The following SLC9A2 variants were observed in gnomAD, a reference collection of about 807,000 sequenced individuals.
SLC9A2 encodes the protein solute carrier family 9 member A2, also known as sodium/hydrogen exchanger 2.
Under a neutral mutation model 71.7 loss-of-function variants are expected in SLC9A2, and 42 were observed. The ratio of observed to expected loss-of-function variants is 0.59; its 90% CI spans 0.46 to 0.76. The LOEUF (loss-of-function observed/expected upper bound fraction) is 0.76. Ranked by LOEUF, SLC9A2 falls within the 30% of genes least tolerant of loss-of-function variation. The pLI, the probability that SLC9A2 is intolerant of heterozygous loss-of-function variation, is 0.00. For synonymous variants in SLC9A2, 396 were observed against 392.5 expected, an observed-to-expected ratio of 1.01 and a Z score of -0.10; for missense variants, 829 against 1,017.4, an observed-to-expected ratio of 0.81 and a Z score of 2.52.
At chr2:102,707,864 A>G (rs1004368402) in intron 11 of SLC9A2, among the ~76,000 whole-genome samples, 9 of 152,212 alleles carry the variant, frequency 5.9e-5, no homozygotes, top group Non-Finnish European at 1.0e-4. Flanking sequence ...ATGCATTTGA[A>G]AGGACTTAGG....
chr2:102,670,718 T>C (rs1187210228), intron 3 of SLC9A2, among the ~76,000 whole-genome samples: 1 of 152,078 alleles, frequency 6.6e-6, no homozygotes, highest in Non-Finnish European at 1.5e-5. Context: ...CAGGAGTAGT[T>C]CCAGCTTGCT....
intron 1 of SLC9A2, among the ~76,000 whole-genome samples, chr2:102,624,108 A>G (rs1676197387): frequency 6.6e-6 from 1 of 152,178 alleles, no homozygotes; most frequent in Non-Finnish European, 1.5e-5. Flanking sequence ...ACATTTACCA[A>G]AACAATGATG....
rs1048247096 is a variant in SLC9A2 at position 102,709,881 on chromosome 2, T to G, written c.*1392T>G. On this transcript the variant is annotated 3_prime_UTR_variant, in exon 12 of 12. Transcript: ENST00000233969. ...GAGTGTAGAAATTAAATGAAGCCAC[T>G]CACAGTCCTTTGATTTCCCACTGAA... The G allele has an allele frequency of 5.9e-5, 9 of 152,242 alleles. No homozygotes were observed. The highest frequency in any genetic ancestry group is 4.6e-4 in the Admixed American group (7 of 15,262). The allele number at this position is 152,242 out of a possible 1,614,324, so 9.4% of individuals were successfully genotyped here. A position where few individuals can be genotyped will look rare whatever the true frequency, so the allele number is the denominator to read the frequency against.
chr2:102,663,885 G>T (rs149056284), intron 2 of SLC9A2, among the ~76,000 whole-genome samples: 1 of 152,132 alleles, frequency 6.6e-6, no homozygotes, highest in Non-Finnish European at 1.5e-5. Flanking sequence ...ATTTCAGTTC[G>T]CTGAGTGGCC....
At position 102,620,030 on chromosome 2, in the gene SLC9A2, C is replaced by A. The variant is rs908708983; in HGVS notation, c.182C>A (p.Thr61Lys). The A allele has an allele frequency of 1.9e-6, 3 of 1,614,112 alleles. No homozygotes were observed. The highest frequency in any genetic ancestry group is 1.7e-5 in the Admixed American group (1 of 60,020). Residue 61 changes from threonine to lysine, a missense_variant, in exon 1 of 12, where the codon ACG becomes AAG. Coordinates refer to ENST00000233969, the MANE Select transcript of SLC9A2 (RefSeq NM_003048.6). Reference protein sequence around the residue: ...SPASVVAPGTTLFEESRLPVF... With the variant: ...SPASVVAPGTKLFEESRLPVF... ...GCGAGCGTGGTGGCTCCCGGAACGA[C>A]GCTGTTCGAGGAGAGCCGGCTGCCT...
At chr2:102,705,468 G>GA (rs147457162) in intron 10 of SLC9A2, among the ~76,000 whole-genome samples, 5,377 of 144,326 alleles carry the variant, frequency 0.037, 287 homozygotes, top group African/African-American at 0.12. Context: ...ATATTAAAGT[G>GA]AAAAAAAAAA....
At chr2:102,661,297 G>A (rs1233144441) in intron 2 of SLC9A2, among the ~76,000 whole-genome samples, 2 of 152,152 alleles carry the variant, frequency 1.3e-5, no homozygotes, top group African/African-American at 2.4e-5. Context: ...GCTCATAACC[G>A]GGCTTGGTTA....
At chr2:102,664,991 A>G (rs763806955) in intron 2 of SLC9A2, 109 bp from the exon 3 acceptor site, 6 of 1,130,950 alleles carry the variant, frequency 5.3e-6, no homozygotes, top group Non-Finnish European at 7.6e-6. Context: ...CTACTTGGGT[A>G]CACAGAAGAA....
At chr2:102,686,224 G>A (rs1677543084) in intron 5 of SLC9A2, among the ~76,000 whole-genome samples, 1 of 152,118 alleles carries the variant, frequency 6.6e-6, no homozygotes, top group Non-Finnish European at 1.5e-5. Context: ...CCTATTTTGT[G>A]GAAGAGGAAA....
intron 1 of SLC9A2, among the ~76,000 whole-genome samples, chr2:102,647,250 A>G (rs1676745889): frequency 1.3e-5 from 2 of 152,122 alleles, no homozygotes. Flanking sequence ...CCGGATGACT[A>G]CTGGGTAAAT....
intron 1 of SLC9A2, among the ~76,000 whole-genome samples, chr2:102,643,656 T>C (rs1482806500): frequency 6.6e-6 from 1 of 152,218 alleles, no homozygotes; most frequent in Non-Finnish European, 1.5e-5. Flanking sequence ...GCTTTACATA[T>C]AGTATCCAGG....
chr2:102,689,407 C>T (rs1446746564), intron 5 of SLC9A2, among the ~76,000 whole-genome samples: 1 of 152,090 alleles, frequency 6.6e-6, no homozygotes, highest in African/African-American at 2.4e-5. Context: ...TGTTGGGGTG[C>T]TTAGGGCCCA....
At chr2:102,674,404 T>C (rs984057512) in intron 3 of SLC9A2, among the ~76,000 whole-genome samples, 1 of 152,152 alleles carries the variant, frequency 6.6e-6, no homozygotes, top group Non-Finnish European at 1.5e-5. Context: ...CTGTGTTGGC[T>C]TCTGGGGTGA....
At chr2:102,705,817 TTAAG>T (rs1677963248) in intron 10 of SLC9A2, 25 bp from the exon 11 acceptor site, 2 of 1,380,056 alleles carry the variant, frequency 1.4e-6, no homozygotes, top group Non-Finnish European at 2.0e-6. Context: ...TTTGTATAGT[TTAAG>T]TAAGATTTTA....
chr2:102,630,772 T>A (rs1244649184), intron 1 of SLC9A2, among the ~76,000 whole-genome samples: 3 of 152,030 alleles, frequency 2.0e-5, no homozygotes. Flanking sequence ...AGTCTATTTG[T>A]GTTTTGTTCA....
chr2:102,653,164 A>T (rs1264342412), intron 1 of SLC9A2, among the ~76,000 whole-genome samples: 2 of 152,230 alleles, frequency 1.3e-5, no homozygotes, highest in East Asian at 3.9e-4. Context: ...CACTGAACTA[A>T]GATCTTGTGT....
rs1676090163 is a variant in SLC9A2, at chr2:102,619,591, G to GGAGGGCGGCT, written c.-251_-242dup. 1 of 341,082 alleles carries GGAGGGCGGCT rather than the reference G, an allele frequency of 2.9e-6. No individual in the cohort carries two copies. The highest frequency in any genetic ancestry group is 5.3e-6 in the Non-Finnish European group (1 of 190,100). The allele number at this position is 341,082 out of a possible 1,614,324, so 21.1% of individuals were successfully genotyped here. ...CCGGCATGGGCAGGCGGCCGGCGGC[G>GGAGGGCGGCT]GAGGGCGGCTGAGGGCTGCTGAGGG... On this transcript the variant is annotated 5_prime_UTR_variant, in exon 1 of 12. Coordinates refer to ENST00000233969, the MANE Select transcript of SLC9A2 (RefSeq NM_003048.6). The surrounding 1 kb of genome is among the most constrained non-coding windows in gnomAD (Gnocchi z 4.3).
intron 7 of SLC9A2, among the ~76,000 whole-genome samples, chr2:102,695,868 T>C (rs561932378): frequency 6.8e-6 from 1 of 146,348 alleles, no homozygotes; most frequent in Admixed American, 7.0e-5. Flanking sequence ...TTTATATAAA[T>C]GCACATACCT....
rs539124221 is a variant in SLC9A2, at chr2:102,636,552, C to T, written c.289+16415C>T. Among the ~76,000 whole-genome samples, 14 of 152,244 alleles carry T rather than the reference C, an allele frequency of 9.2e-5. No homozygotes were observed. The South Asian group carries it at 1.0e-3, about 11-fold the overall frequency. ...CAGAAAATATGGTTCCCACACAAGG[C>T]GGTTAGGTGGGTGGGGTAGAGTCCC... is the stretch of plus-strand genomic sequence containing the variant. On this transcript the variant is annotated intron_variant, in intron 1 of 11. Transcript: ENST00000233969.
Sources: allele counts gnomAD v4.1 joint callset (sites outside exome capture counted in the v4.1 genomes callset), GRCh38; gene constraint gnomAD v4.1.1; non-coding constraint Gnocchi (gnomAD v3.1); transcripts MANE v1.5; gene names NCBI Gene and HGNC (gene_info 2026-07-23, HGNC 2026-07-21).